The following DMRT1 variants were observed in gnomAD, a reference collection of about 807,000 sequenced individuals.
DMRT1 encodes doublesex- and mab-3-related transcription factor 1.
DMRT1 carries 7 observed loss-of-function variants against 32.3 expected under a neutral mutation model. The ratio of observed to expected loss-of-function variants is 0.22; its 90% CI spans 0.12 to 0.41. DMRT1 has a LOEUF of 0.41. Ranked by LOEUF, DMRT1 falls within the 10% of genes least tolerant of loss-of-function variation. The pLI is 1.00. For missense variants in DMRT1, 625 were observed against 500.5 expected (o/e 1.25, Z -2.37); for synonymous variants, 278 against 206.1 (o/e 1.35, Z -2.99).
At chr9:921,749 C>T (rs1373010760) in intron 4 of DMRT1, among the ~76,000 whole-genome samples, 1 of 152,178 alleles carries the variant, frequency 6.6e-6, no homozygotes, top group East Asian at 1.9e-4. Context: ...GGTTTGGTGC[C>T]ACCCACCTGT....
At chr9:916,646 A>G (rs1264799948) in intron 3 of DMRT1, 117 bp from the exon 4 acceptor site, 3 of 1,295,858 alleles carry the variant, frequency 2.3e-6, no homozygotes, top group African/African-American at 2.9e-5. Flanking sequence ...TGTCGGGAAC[A>G]TAGGCATGAG....
intron 4 of DMRT1, among the ~76,000 whole-genome samples, chr9:943,773 G>A (rs1419822136): frequency 6.6e-6 from 1 of 152,138 alleles, no homozygotes; most frequent in Non-Finnish European, 1.5e-5. Flanking sequence ...TTCTCAAGAG[G>A]ATTTATTTTT....
intron 2 of DMRT1, among the ~76,000 whole-genome samples, chr9:878,771 A>C (rs1474663541): frequency 6.6e-6 from 1 of 152,230 alleles, no homozygotes; most frequent in Non-Finnish European, 1.5e-5. Flanking sequence ...ACATTTATTG[A>C]GCACTCAACA....
intron 4 of DMRT1, among the ~76,000 whole-genome samples, chr9:936,751 C>T (rs974676241): frequency 7.8e-6 from 1 of 127,744 alleles, no homozygotes; most frequent in African/African-American, 3.7e-5. Context: ...AAAACTTCAT[C>T]TCAAAAAAAA....
intron 4 of DMRT1, among the ~76,000 whole-genome samples, chr9:917,498 T>C (rs1818222095): frequency 6.6e-6 from 1 of 152,198 alleles, no homozygotes. Context: ...ATTTTCACTG[T>C]GGTGAGAGGC....
At chr9:904,834 C>G (rs1378985177) in intron 3 of DMRT1, among the ~76,000 whole-genome samples, 1 of 151,904 alleles carries the variant, frequency 6.6e-6, no homozygotes, top group African/African-American at 2.4e-5. Flanking sequence ...ATCCCAGCTA[C>G]TCGAGGCTGA....
chr9:870,330 C>T (rs1187692325), intron 2 of DMRT1, among the ~76,000 whole-genome samples: 5 of 151,978 alleles, frequency 3.3e-5, no homozygotes, highest in Non-Finnish European at 5.9e-5. Flanking sequence ...ACCTGGGAGG[C>T]GGAGGTTGCA....
intron 4 of DMRT1, among the ~76,000 whole-genome samples, chr9:935,674 G>A (rs978647636): frequency 2.6e-5 from 4 of 152,220 alleles, no homozygotes; most frequent in Non-Finnish European, 5.9e-5. Flanking sequence ...ATGAATCAGT[G>A]TCGGGTTTTG....
intron 2 of DMRT1, among the ~76,000 whole-genome samples, chr9:849,657 C>T (rs966072814): frequency 1.3e-5 from 2 of 152,192 alleles, no homozygotes; most frequent in Non-Finnish European, 2.9e-5. Flanking sequence ...GTCCCTTCCT[C>T]ACCTGTGGAG....
chr9:932,566 T>C (rs566975913), intron 4 of DMRT1, among the ~76,000 whole-genome samples: 13 of 152,330 alleles, frequency 8.5e-5, no homozygotes, highest in African/African-American at 3.1e-4. Context: ...TTTTTCCTTC[T>C]GACACAAACT....
intron 4 of DMRT1, among the ~76,000 whole-genome samples, chr9:948,903 AAATAATAATAATAATAATAAT>A (rs57959311): frequency 1.5e-5 from 2 of 137,728 alleles, no homozygotes; most frequent in Non-Finnish European, 3.1e-5. Context: ...TAAAAATACA[AAATAATAATAATAATAATAAT>A]AATAATAATA....
chr9:902,699 G>A (rs558205486), intron 3 of DMRT1, among the ~76,000 whole-genome samples: 1 of 152,024 alleles, frequency 6.6e-6, no homozygotes, highest in Admixed American at 6.6e-5. Flanking sequence ...ATGTTGGCCA[G>A]GTTGGTCTCG....
chr9:950,184 T>A, intron 4 of DMRT1, among the ~76,000 whole-genome samples: 1 of 152,084 alleles, frequency 6.6e-6, no homozygotes, highest in Admixed American at 6.5e-5. Context: ...ACTCAGCTCA[T>A]TTTTAGAAGG....
At chr9:959,851 A>G (rs944806831) in intron 4 of DMRT1, among the ~76,000 whole-genome samples, 5 of 152,142 alleles carry the variant, frequency 3.3e-5, no homozygotes, top group Admixed American at 2.0e-4. Flanking sequence ...TTTAGACTTG[A>G]GACTGTCTGC....
intron 3 of DMRT1, among the ~76,000 whole-genome samples, chr9:895,962 G>A (rs1310288775): frequency 1.3e-5 from 2 of 150,812 alleles, no homozygotes; most frequent in South Asian, 2.1e-4. Flanking sequence ...GCGCCACCAA[G>A]CCCAGCTAAT....
intron 4 of DMRT1, among the ~76,000 whole-genome samples, chr9:964,377 G>A (rs1460343540): frequency 6.6e-6 from 1 of 151,770 alleles, no homozygotes. Flanking sequence ...CAGTAGCTTC[G>A]GTAGACAAAT....
chr9:862,394 G>A (rs532382966), intron 2 of DMRT1, among the ~76,000 whole-genome samples: 3 of 151,830 alleles, frequency 2.0e-5, no homozygotes, highest in African/African-American at 7.2e-5. Flanking sequence ...CCAGGCACGC[G>A]GCAGGCTGAG....
intron 2 of DMRT1, among the ~76,000 whole-genome samples, chr9:864,754 C>T (rs1815899450): frequency 6.6e-6 from 1 of 152,128 alleles, no homozygotes; most frequent in South Asian, 2.1e-4. Flanking sequence ...CCCACCTCGG[C>T]CTCCCAAAGT....
chr9:966,340 C>G (rs757969140), intron 4 of DMRT1, among the ~76,000 whole-genome samples: 1 of 151,482 alleles, frequency 6.6e-6, no homozygotes, highest in Admixed American at 6.6e-5. Flanking sequence ...CTTAATGACT[C>G]CCTTTAAATT....
Sources: allele counts gnomAD v4.1 joint callset (sites outside exome capture counted in the v4.1 genomes callset), GRCh38; gene constraint gnomAD v4.1.1; transcripts MANE v1.5; gene names NCBI Gene and HGNC (gene_info 2026-07-23, HGNC 2026-07-21).